The following RBM46 variants were observed in gnomAD, a reference collection of about 807,000 sequenced individuals.
RBM46 encodes probable RNA-binding protein 46.
RBM46 carries 12 observed loss-of-function variants against 43.3 expected under a neutral mutation model. The ratio of observed to expected loss-of-function variants is 0.28; its 90% CI spans 0.18 to 0.45. RBM46 has a LOEUF of 0.45. RBM46 is among the 20% of genes least tolerant of loss of function. RBM46 has a pLI of 1.00. For missense variants in RBM46, 412 were observed against 639.1 expected (o/e 0.64, Z 3.83); for synonymous variants, 205 against 207.6 (o/e 0.99, Z 0.11).
At chr4:154,817,532 A>T (rs1735511824) in intron 4 of RBM46, among the ~76,000 whole-genome samples, 1 of 151,836 alleles carries the variant, frequency 6.6e-6, no homozygotes, top group African/African-American at 2.4e-5. Flanking sequence ...GGATTTCATC[A>T]TGTTGGCCAG....
chr4:154,807,255 G>T (rs1343558394), intron 4 of RBM46, among the ~76,000 whole-genome samples: 1 of 151,550 alleles, frequency 6.6e-6, no homozygotes, highest in African/African-American at 2.4e-5. Flanking sequence ...TTTGCCACAT[G>T]ATGTCCCTAA....
At chr4:154,793,976 A>T (rs542265159) in intron 1 of RBM46, among the ~76,000 whole-genome samples, 5 of 152,050 alleles carry the variant, frequency 3.3e-5, no homozygotes, top group Non-Finnish European at 7.4e-5. Context: ...AACCAGTTCT[A>T]CTCAGTGTTC....
At chr4:154,816,514 C>T (rs1021254260) in intron 4 of RBM46, among the ~76,000 whole-genome samples, 3 of 152,036 alleles carry the variant, frequency 2.0e-5, no homozygotes, top group Non-Finnish European at 4.4e-5. Flanking sequence ...ATCTTAATTT[C>T]AGTTTCTAAT....
At chr4:154,790,003 G>C (rs980158168) in intron 1 of RBM46, among the ~76,000 whole-genome samples, 1 of 152,164 alleles carries the variant, frequency 6.6e-6, no homozygotes, top group African/African-American at 2.4e-5. Context: ...TTGTATTTCT[G>C]TGAGATCGAT....
chr4:154,789,215 G>T (rs1287379147), intron 1 of RBM46, among the ~76,000 whole-genome samples: 2 of 152,144 alleles, frequency 1.3e-5, no homozygotes, highest in Non-Finnish European at 2.9e-5. Flanking sequence ...ACACTATGTT[G>T]AGTAGGAGTG....
chr4:154,822,382 T>A (rs1473247204), intron 4 of RBM46, among the ~76,000 whole-genome samples: 1 of 150,920 alleles, frequency 6.6e-6, no homozygotes, highest in Non-Finnish European at 1.5e-5. Flanking sequence ...TTAAAGAAAT[T>A]TCATTTCTTT....
At chr4:154,803,763 G>A (rs983801279) in intron 4 of RBM46, among the ~76,000 whole-genome samples, 1 of 150,894 alleles carries the variant, frequency 6.6e-6, no homozygotes, top group Non-Finnish European at 1.5e-5. Context: ...TATTTTTAGG[G>A]ATCTGTAATC....
chr4:154,797,778 G>C (rs1297320405), intron 2 of RBM46, 33 bp from the exon 3 acceptor site: 1 of 1,371,540 alleles, frequency 7.3e-7, no homozygotes, highest in Non-Finnish European at 9.9e-7. Context: ...TATCCAATTA[G>C]AATTTATGTG....
intron 4 of RBM46, among the ~76,000 whole-genome samples, chr4:154,812,804 A>G (rs1384923572): frequency 1.3e-5 from 2 of 152,138 alleles, no homozygotes; most frequent in African/African-American, 2.4e-5. Flanking sequence ...TGCTGTGATC[A>G]TCTGAATTTG....
chr4:154,795,218 A>G (rs1560894930), intron 1 of RBM46, among the ~76,000 whole-genome samples: 1 of 152,184 alleles, frequency 6.6e-6, no homozygotes, highest in Non-Finnish European at 1.5e-5. Context: ...TTATCTACTT[A>G]TTATAGACAG....
At chr4:154,813,735 G>A (rs140718716) in intron 4 of RBM46, among the ~76,000 whole-genome samples, 1 of 151,904 alleles carries the variant, frequency 6.6e-6, no homozygotes, top group Non-Finnish European at 1.5e-5. Flanking sequence ...GAAGATGGTG[G>A]TGTTCCTTTC....
chr4:154,802,756 T>G (rs1734700966), intron 4 of RBM46, among the ~76,000 whole-genome samples: 1 of 152,210 alleles, frequency 6.6e-6, no homozygotes, highest in Admixed American at 6.5e-5. Context: ...AAGTACTGTT[T>G]TTAAGATATT....
intron 1 of RBM46, among the ~76,000 whole-genome samples, chr4:154,784,713 T>C (rs945789085): frequency 6.6e-6 from 1 of 152,204 alleles, no homozygotes; most frequent in Non-Finnish European, 1.5e-5. Flanking sequence ...GATCCCTCCT[T>C]CTCTTACTTG....
intron 1 of RBM46, among the ~76,000 whole-genome samples, chr4:154,791,393 A>G (rs1734084495): frequency 6.6e-6 from 1 of 152,150 alleles, no homozygotes; most frequent in South Asian, 2.1e-4. Flanking sequence ...GCCGTGACTC[A>G]CGCCTGTAAT....
intron 4 of RBM46, among the ~76,000 whole-genome samples, chr4:154,814,739 C>G (rs1350443237): frequency 6.6e-6 from 1 of 151,858 alleles, no homozygotes; most frequent in Non-Finnish European, 1.5e-5. Context: ...CACATATGCT[C>G]TATTTTGGTA....
intron 4 of RBM46, among the ~76,000 whole-genome samples, chr4:154,826,149 T>A (rs1406598755): frequency 1.9e-4 from 27 of 139,072 alleles, no homozygotes; most frequent in South Asian, 2.3e-4. Context: ...TGGATCCTTT[T>A]AAAAAAAAAA....
intron 4 of RBM46, 133 bp from the exon 5 acceptor site, chr4:154,827,735 A>G (rs964541540): frequency 6.6e-7 from 1 of 1,509,010 alleles, no homozygotes; most frequent in East Asian, 2.3e-5. Context: ...TTAACCAGCA[A>G]TATAGTATCA....
intron 1 of RBM46, chr4:154,787,330 C>A (rs1202027787): frequency 8.8e-6 from 1 of 113,626 alleles, no homozygotes; most frequent in Non-Finnish European, 1.8e-5. Flanking sequence ...CTATCCCTCC[C>A]CCCTCCCCCC....
chr4:154,808,299 A>G (rs566596709), intron 4 of RBM46, among the ~76,000 whole-genome samples: 24 of 152,058 alleles, frequency 1.6e-4, no homozygotes, highest in African/African-American at 5.5e-4. Flanking sequence ...TTGTTGACCT[A>G]TGCTTTACTT....
Sources: allele counts gnomAD v4.1 joint callset (sites outside exome capture counted in the v4.1 genomes callset), GRCh38; gene constraint gnomAD v4.1.1; transcripts MANE v1.5; gene names NCBI Gene and HGNC (gene_info 2026-07-23, HGNC 2026-07-21).